Variants in GUSB observed in about 807,000 individuals in gnomAD.
GUSB encodes glucuronidase beta.
GUSB carries 51 observed loss-of-function variants against 74.6 expected under a neutral mutation model. The observed-to-expected ratio is 0.68, with a 90% CI of 0.55 to 0.86. The LOEUF is 0.86. Among genes scored for constraint, GUSB ranks in the 40% least tolerant of loss-of-function variants. The probability of loss-of-function intolerance (pLI) is 0.00; values close to 1 mark genes in which losing one functional copy is unlikely to be tolerated. For synonymous variants in GUSB, 360 were observed against 348.3 expected, an observed-to-expected ratio of 1.03 and a Z score of -0.37; for missense variants, 736 against 853.7, an observed-to-expected ratio of 0.86 and a Z score of 1.72.
chr7:65,970,277 C>A lies in GUSB; in HGVS notation c.1476+5G>T. ...GAGAAGTGGGGTGGGGACCCCCAGG[C>A]TCACCCCCTTGTCTGCTGCATAGTT... On this transcript the variant is annotated splice_donor_5th_base_variant and intron_variant, in intron 9 of 11. Transcript: ENST00000304895. 6.2e-7 allele frequency: 1 copy of A among 1,600,220 alleles called. No individual in the cohort carries two copies. The highest frequency in any genetic ancestry group is 8.6e-7 in the Non-Finnish European group (1 of 1,167,790).
chr7:65,967,320 G>A (rs1251700796), intron 10 of GUSB, among the ~76,000 whole-genome samples: 1 of 152,150 alleles, frequency 6.6e-6, no homozygotes, highest in Non-Finnish European at 1.5e-5. Context: ...CAGGCGTGTT[G>A]GCATGTGCCT....
At chr7:65,980,671 G>A in intron 1 of GUSB, 1 of 516,706 alleles carries the variant, frequency 1.9e-6, no homozygotes, top group Non-Finnish European at 3.5e-6. Context: ...CCACATCCCA[G>A]CCAGAGGCAA....
intron 8 of GUSB, among the ~76,000 whole-genome samples, chr7:65,972,591 G>C (rs1202595865): frequency 6.6e-6 from 1 of 152,078 alleles, no homozygotes; most frequent in East Asian, 1.9e-4. Flanking sequence ...GAACCCCCTA[G>C]CCTCAAGTTC....
At position 65,968,016 on chromosome 7, in the gene GUSB, A is replaced by G. The variant is rs1583901402; in HGVS notation, c.1477-109T>C. Reference sequence around the variant, plus strand: ...GAGAAGGTAAGGGGGATGTAATCCCAGCACTCTGGGAGGCTGAGGCAGGAG... The same window carrying G: ...GAGAAGGTAAGGGGGATGTAATCCCGGCACTCTGGGAGGCTGAGGCAGGAG... On this transcript the variant is annotated intron_variant, in intron 9 of 11. Coordinates refer to ENST00000304895, the MANE Select transcript of GUSB (RefSeq NM_000181.4). The G allele has an allele frequency of 2.7e-5, 24 of 904,944 alleles. No individual in the cohort carries two copies. In the East Asian group the frequency reaches 6.2e-4, roughly 23 times the overall value. 56.1% of individuals were successfully genotyped at this position (904,944 alleles called of 1,614,324 possible).
chr7:65,968,963 G>A (rs1791021627), intron 9 of GUSB, among the ~76,000 whole-genome samples: 1 of 152,228 alleles, frequency 6.6e-6, no homozygotes, highest in Admixed American at 6.5e-5. Context: ...ACTCCAAGGA[G>A]CAGGGCGGTG....
chr7:65,974,600 C>T lies in GUSB; in HGVS notation c.1170G>A (p.Glu390=). 6.2e-7 allele frequency: 1 copy of T among 1,614,202 alleles called. No individual in the cohort carries two copies. Among genetic ancestry groups the T allele is most frequent in the Non-Finnish European group, 8.5e-7 (1 of 1,180,034 alleles). ...AGCGGTCACACATCTGCATCACTTC[C>T]TCTGCATAGGGGTAGTGGCTGGTAC... is the stretch of plus-strand genomic sequence containing the variant. ...AFRTSHYPYA[E]EVMQMCDRYG... is the part of the protein sequence containing the mutation. Residue 390 remains glutamate (E), a synonymous_variant, in exon 7 of 12, where the codon GAG becomes GAA. Transcript: ENST00000304895.
intron 11 of GUSB, among the ~76,000 whole-genome samples, chr7:65,962,229 C>T (rs764757696): frequency 1.2e-4 from 18 of 152,110 alleles, no homozygotes; most frequent in African/African-American, 1.9e-4. Flanking sequence ...CAAAGTCCGC[C>T]GGGGCTGACG....
chr7:65,975,488 A>G (rs1307461354), intron 5 of GUSB: 2 of 264,386 alleles, frequency 7.6e-6, no homozygotes, highest in Non-Finnish European at 1.5e-5. Context: ...GAGTTCAAGC[A>G]ATTCTCCTGC....
chr7:65,977,552 TTTTA>T (rs960402949), intron 4 of GUSB, among the ~76,000 whole-genome samples: 5 of 151,914 alleles, frequency 3.3e-5, no homozygotes, highest in Admixed American at 6.6e-5. Flanking sequence ...ATTTATTTTA[TTTTA>T]TTTATTTATT....
intron 9 of GUSB, among the ~76,000 whole-genome samples, chr7:65,968,230 CAA>C (rs60554800): frequency 1.0e-3 from 124 of 123,340 alleles, no homozygotes; most frequent in Middle Eastern, 4.1e-3. Flanking sequence ...CCATTTCTAC[CAA>C]AAAAAAAAAA....
At position 65,974,567 on chromosome 7, in the gene GUSB, A is replaced by G; in HGVS notation, c.1203T>C (p.Ile401=). Reference sequence around the variant, plus strand: ...CGCCGGGACACTCATCGATGACCACAATCCCATAGCGGTCACACATCTGCA... The same window carrying G: ...CGCCGGGACACTCATCGATGACCACGATCCCATAGCGGTCACACATCTGCA... ...EVMQMCDRYG[I]VVIDECPGVG... The change falls in exon 7 of 12, where the codon ATT becomes ATC. Residue 401 remains isoleucine (I), a synonymous_variant. Coordinates refer to ENST00000304895, the MANE Select transcript of GUSB (RefSeq NM_000181.4). The G allele has an allele frequency of 6.2e-7, 1 of 1,614,202 alleles. No individual in the cohort carries two copies. Among genetic ancestry groups the G allele is most frequent in the South Asian group, 1.1e-5 (1 of 91,084 alleles).
intron 4 of GUSB, among the ~76,000 whole-genome samples, chr7:65,977,513 G>A (rs1252738868): frequency 6.6e-6 from 1 of 151,638 alleles, no homozygotes; most frequent in Non-Finnish European, 1.5e-5. Flanking sequence ...TCTTTGCTGT[G>A]GGATTCTTTT....
intron 4 of GUSB, among the ~76,000 whole-genome samples, chr7:65,977,904 A>G (rs149856075): frequency 0.024 from 3,579 of 152,090 alleles, 65 homozygotes; most frequent in Non-Finnish European, 0.036. Flanking sequence ...TCTGCCTCCC[A>G]GGTTCACGCC....
At chr7:65,981,877 G>T in intron 1 of GUSB, 97 bp downstream of exon 1, 1 of 1,112,624 alleles carries the variant, frequency 9.0e-7, no homozygotes, top group Non-Finnish European at 1.3e-6. Context: ...GCCCCAGCTC[G>T]GAGACGCCCA....
rs915725855 is a variant in GUSB at position 65,967,662 on chromosome 7, A to G, written c.1653+69T>C. 5 of 1,299,752 alleles carry G rather than the reference A, an allele frequency of 3.8e-6. No homozygotes were observed. In the Admixed American group the frequency reaches 5.0e-5, roughly 13 times the overall value. 80.5% of individuals were successfully genotyped at this position (1,299,752 alleles called of 1,614,324 possible). ...GGGAGCAGTGCAGTGGGCGCAGGTC[A>G]GGCTGGAGGAGGTGAGTGACATCTC... On this transcript the variant is annotated intron_variant, in intron 10 of 11. Coordinates refer to ENST00000304895, the MANE Select transcript of GUSB (RefSeq NM_000181.4).
chr7:65,982,093 G>T lies in GUSB; in HGVS notation c.91C>A (p.Gln31Lys). ...LGLQGGMLYP[Q>K]ESPSRECKEL... ...TTGCACTCCCGCGACGGGCTCTCCT[G>T]GGGGTACAGCATCCCGCCCTGCAGC... is the stretch of plus-strand genomic sequence containing the variant. Residue 31 changes from glutamine (Q) to lysine (K), a missense_variant, in exon 1 of 12, where the codon CAG becomes AAG. Physicochemically the swap from Gln to Lys is moderately conservative, Grantham distance 53 (BLOSUM62 1). This residue lies in a region of GUSB where 368 missense variants were observed against 363.8 expected (regional missense o/e 1.01). Coordinates refer to ENST00000304895, the MANE Select transcript of GUSB (RefSeq NM_000181.4). The T allele has an allele frequency of 6.2e-7, 1 of 1,603,044 alleles. No individual in the cohort carries two copies.
At chr7:65,972,552 G>A (rs148491342) in intron 8 of GUSB, among the ~76,000 whole-genome samples, 8 of 152,116 alleles carry the variant, frequency 5.3e-5, no homozygotes, top group East Asian at 3.9e-4. Flanking sequence ...CTGCCTATCC[G>A]AAGGCTGTGG....
intron 9 of GUSB, among the ~76,000 whole-genome samples, chr7:65,969,755 G>A (rs1332754672): frequency 6.6e-6 from 1 of 152,172 alleles, no homozygotes; most frequent in Non-Finnish European, 1.5e-5. Flanking sequence ...CAGGACCTCA[G>A]AATGCAGAGA....
intron 9 of GUSB, among the ~76,000 whole-genome samples, chr7:65,968,395 T>C (rs1790980891): frequency 6.6e-6 from 1 of 152,120 alleles, no homozygotes; most frequent in Admixed American, 6.6e-5. Flanking sequence ...CTGACACTCA[T>C]GACGTGCGCC....
Sources: allele counts gnomAD v4.1 joint callset (sites outside exome capture counted in the v4.1 genomes callset), GRCh38; gene constraint gnomAD v4.1.1; regional missense constraint gnomAD v4.1.1; transcripts MANE v1.5; gene names NCBI Gene and HGNC (gene_info 2026-07-23, HGNC 2026-07-21).